CDH23: variants seen among roughly 807,000 people sequenced by gnomAD.
CDH23 encodes cadherin-23.
Under a neutral mutation model 317.1 loss-of-function variants are expected in CDH23, and 189 were observed. The ratio of observed to expected loss-of-function variants is 0.60; its 90% CI spans 0.53 to 0.67. The LOEUF is 0.67. Among genes scored for constraint, CDH23 ranks in the 30% least tolerant of loss-of-function variants. The pLI is 0.00. For missense variants in CDH23, 4,401 were observed against 4,592.4 expected, an observed-to-expected ratio of 0.96 and a Z score of 1.20; for synonymous variants, 1,839 against 1,876.8, an observed-to-expected ratio of 0.98 and a Z score of 0.52.
chr10:71,562,080 T>C (rs1857159757), intron 6 of CDH23, among the ~76,000 whole-genome samples: 1 of 152,124 alleles, frequency 6.6e-6, no homozygotes, highest in African/African-American at 2.4e-5. Flanking sequence ...CTCTTGGTGC[T>C]GCTTCTACAA....
At chr10:71,525,785 G>T (rs1469130949) in intron 6 of CDH23, among the ~76,000 whole-genome samples, 1 of 152,168 alleles carries the variant, frequency 6.6e-6, no homozygotes, top group African/African-American at 2.4e-5. Context: ...TGGCTTCTTG[G>T]CAGCAGCCCA....
At chr10:71,759,187 A>G (rs1371021462) in intron 38 of CDH23, among the ~76,000 whole-genome samples, 1 of 151,386 alleles carries the variant, frequency 6.6e-6, no homozygotes, top group Non-Finnish European at 1.5e-5. Context: ...ACAGGCGTGC[A>G]CCACCATGCC....
At chr10:71,716,699 G>T (rs1464991461) in intron 28 of CDH23, 1 of 207,636 alleles carries the variant, frequency 4.8e-6, no homozygotes, top group Non-Finnish European at 9.5e-6. Flanking sequence ...TCAATAACTT[G>T]CTCTGTGGCC....
At position 71,396,968 on chromosome 10, in the gene CDH23, C is replaced by T. The variant is rs1367987607; in HGVS notation, c.-356C>T. The T allele has an allele frequency of 6.6e-6, 1 of 152,622 alleles. No individual in the cohort carries two copies. Among genetic ancestry groups the T allele is most frequent in the Non-Finnish European group, 1.5e-5 (1 of 68,788 alleles). 9.5% of individuals were successfully genotyped at this position (152,622 alleles called of 1,614,324 possible). On this transcript the variant is annotated 5_prime_UTR_variant, in exon 1 of 70. Coordinates refer to ENST00000224721, the MANE Select transcript of CDH23 (RefSeq NM_022124.6). The surrounding 1 kb of genome is among the most constrained non-coding windows in gnomAD (Gnocchi z 4.2). ...GCGGCTCGGGAGAGAGGGACGCGGG[C>T]TGCAGGCGCGATGCTTGGCTAGAGG...
intron 1 of CDH23, among the ~76,000 whole-genome samples, chr10:71,415,359 C>A (rs1848491787): frequency 6.6e-6 from 1 of 152,214 alleles, no homozygotes; most frequent in Non-Finnish European, 1.5e-5. Flanking sequence ...ACCTCCTAAA[C>A]TGCTATTACA....
chr10:71,631,004 G>A (rs1203128531), intron 11 of CDH23, among the ~76,000 whole-genome samples: 1 of 152,220 alleles, frequency 6.6e-6, no homozygotes, highest in East Asian at 1.9e-4. Flanking sequence ...AGCACTTTGG[G>A]AGGCCAAGGC....
intron 38 of CDH23, chr10:71,773,385 AG>A: frequency 6.2e-7 from 1 of 1,610,484 alleles, no homozygotes; most frequent in Non-Finnish European, 8.5e-7. Context: ...AAGAGAGCGA[AG>A]AGCAGGGATC....
At chr10:71,448,181 T>G (rs1445207688) in intron 3 of CDH23, among the ~76,000 whole-genome samples, 1 of 152,078 alleles carries the variant, frequency 6.6e-6, no homozygotes, top group African/African-American at 2.4e-5. Flanking sequence ...CAGAGGCCTA[T>G]GTATTGGGAT....
intron 1 of CDH23, among the ~76,000 whole-genome samples, chr10:71,407,549 A>C (rs1848151340): frequency 6.6e-6 from 1 of 152,204 alleles, no homozygotes; most frequent in African/African-American, 2.4e-5. Context: ...TCCCATCTGT[A>C]AAGCTAGGGG....
intron 18 of CDH23, among the ~76,000 whole-genome samples, chr10:71,685,523 G>A (rs997522433): frequency 4.0e-4 from 61 of 152,354 alleles, no homozygotes; most frequent in African/African-American, 1.3e-3. Context: ...TGGGACCACA[G>A]AGGAGGTGGG....
At chr10:71,403,768 G>C (rs2131898589) in intron 1 of CDH23, among the ~76,000 whole-genome samples, 1 of 151,814 alleles carries the variant, frequency 6.6e-6, no homozygotes, top group Non-Finnish European at 1.5e-5. Context: ...GCCCACCTCG[G>C]CCTCCCAAAG....
At chr10:71,716,143 G>T in intron 28 of CDH23, 1 of 1,550,506 alleles carries the variant, frequency 6.4e-7, no homozygotes, top group East Asian at 2.4e-5. Context: ...GGCGGCTCGG[G>T]TCCAGCGCGG....
chr10:71,478,842 C>A (rs1851922511), intron 3 of CDH23, among the ~76,000 whole-genome samples: 1 of 152,238 alleles, frequency 6.6e-6, no homozygotes, highest in Non-Finnish European at 1.5e-5. Flanking sequence ...TTTCTTAGAG[C>A]CCCTCCTTAA....
intron 11 of CDH23, chr10:71,622,947 C>G (rs780188367): frequency 1.1e-4 from 104 of 985,246 alleles, no homozygotes; most frequent in Non-Finnish European, 1.2e-4. Context: ...TTGCCGAACC[C>G]CTGGCCTTCC....
chr10:71,566,962 C>G, intron 7 of CDH23, 26 bp downstream of exon 7: 2 of 1,602,572 alleles, frequency 1.2e-6, no homozygotes, highest in Middle Eastern at 3.3e-4. Flanking sequence ...GGGGCCCCGG[C>G]CGTCCCAGCT....
chr10:71,522,956 T>C (rs1233125637), intron 6 of CDH23, among the ~76,000 whole-genome samples: 1 of 152,160 alleles, frequency 6.6e-6, no homozygotes, highest in African/African-American at 2.4e-5. Context: ...TTCAGTGACT[T>C]GTCCAAGGTC....
At position 71,777,765 on chromosome 10, in the gene CDH23, A is replaced by G. The variant is rs1840850957; in HGVS notation, c.4931A>G (p.Asp1644Gly). 1 of 1,613,688 alleles carries G rather than the reference A, an allele frequency of 6.2e-7. No individual in the cohort carries two copies. The highest frequency in any genetic ancestry group is 8.5e-7 in the Non-Finnish European group (1 of 1,179,852). Reference protein sequence around the residue: ...FQQPHYEVLLDEGPDTLNTSL... With the variant: ...FQQPHYEVLLGEGPDTLNTSL... ...CAGCCCCACTATGAGGTGCTGCTGG[A>G]TGAGGGCCCAGACACGCTCAACACC... Residue 1644 changes from aspartate (D) to glycine (G), a missense_variant, in exon 39 of 70, where the codon GAT (aspartate) becomes GGT (glycine). Physicochemically the swap from Asp to Gly is moderately conservative, Grantham distance 94. This residue lies in a region of CDH23 where 3,068 missense variants were observed against 3,203.3 expected (regional missense o/e 0.96). Transcript: ENST00000224721.
intron 8 of CDH23, among the ~76,000 whole-genome samples, chr10:71,575,097 A>G (rs993706274): frequency 1.3e-5 from 2 of 152,224 alleles, no homozygotes; most frequent in African/African-American, 4.8e-5. Flanking sequence ...TAGACACTCC[A>G]CTAGTGCCAG....
intron 3 of CDH23, among the ~76,000 whole-genome samples, chr10:71,457,484 A>T (rs1460678377): frequency 6.6e-6 from 1 of 152,024 alleles, no homozygotes; most frequent in African/African-American, 2.4e-5. Context: ...CCGCCCTGCA[A>T]TGCTGCCTCC....
Sources: gnomAD v4.1 joint callset for allele counts (sites outside exome capture counted in the v4.1 genomes callset) on GRCh38, gnomAD v4.1.1 for gene constraint, gnomAD v4.1.1 regional missense constraint, Gnocchi (gnomAD v3.1) non-coding constraint, MANE v1.5 for transcripts, NCBI Gene and HGNC (gene_info 2026-07-23, HGNC 2026-07-21) for gene names.